GPC5: variants seen among roughly 807,000 people sequenced by gnomAD.
GPC5 encodes the protein glypican-5.
GPC5 carries 47 observed loss-of-function variants against 53.9 expected under a neutral mutation model. The observed-to-expected ratio is 0.87, with a 90% CI of 0.69 to 1.11. The LOEUF is 1.11. Ranked by LOEUF, GPC5 falls within the 50% of genes most tolerant of loss-of-function variation. The pLI is 0.00. For missense variants in GPC5, 748 were observed against 713.1 expected (o/e 1.05, Z -0.56); for synonymous variants, 286 against 263.3 (o/e 1.09, Z -0.84).
chr13:91,995,338 A>T (rs2040494458), intron 6 of GPC5: 1 of 152,168 alleles, frequency 6.6e-6, no homozygotes, highest in African/African-American at 2.4e-5. Flanking sequence ...CGAATTTTGT[A>T]AAATTATTTT....
chr13:92,460,894 G>A (rs1878451547), intron 7 of GPC5, among the ~76,000 whole-genome samples: 1 of 152,138 alleles, frequency 6.6e-6, no homozygotes, highest in African/African-American at 2.4e-5. Flanking sequence ...AATGAAAGTT[G>A]TGTTTCTCCA....
chr13:92,219,320 A>G (rs568810245), intron 7 of GPC5, among the ~76,000 whole-genome samples: 36 of 152,274 alleles, frequency 2.4e-4, no homozygotes, highest in African/African-American at 8.7e-4. Context: ...TTTTCCAATT[A>G]TATCACTTTC....
chr13:91,904,140 CTTT>C (rs57293387), intron 5 of GPC5, among the ~76,000 whole-genome samples: 1 of 94,668 alleles, frequency 1.1e-5, no homozygotes, highest in Non-Finnish European at 2.0e-5. Flanking sequence ...TCTTTTCTTT[CTTT>C]TTTTTTTTTT....
At chr13:91,504,784 C>T (rs1361218054) in intron 2 of GPC5, among the ~76,000 whole-genome samples, 1 of 151,546 alleles carries the variant, frequency 6.6e-6, no homozygotes, top group Non-Finnish European at 1.5e-5. Context: ...ATAGTGAGAC[C>T]CATCTCTAAA....
At chr13:91,911,261 T>C (rs1432562886) in intron 6 of GPC5, among the ~76,000 whole-genome samples, 1 of 152,034 alleles carries the variant, frequency 6.6e-6, no homozygotes. Context: ...AAGCAGAAGC[T>C]AGCTGGGTGC....
intron 7 of GPC5, among the ~76,000 whole-genome samples, chr13:92,652,317 G>A (rs745836819): frequency 1.3e-5 from 2 of 151,954 alleles, no homozygotes; most frequent in Non-Finnish European, 2.9e-5. Flanking sequence ...TTTTTGCTAG[G>A]CATGTAAAGA....
intron 6 of GPC5, among the ~76,000 whole-genome samples, chr13:92,068,452 ATTAGCAAATAATG>A (rs2041184007): frequency 6.6e-6 from 1 of 151,754 alleles, no homozygotes; most frequent in Non-Finnish European, 1.5e-5. Context: ...CAATAATGTC[ATTAGCAAATAATG>A]ACCAGTGTAG....
Position 91,670,682 on chromosome 13 carries a change from G to GA in GPC5, c.326-22503dup, listed in dbSNP as rs368821272. 9.3e-4 allele frequency among the ~76,000 whole-genome samples: 141 copies of GA among 152,248 alleles called. 1 individual carries two copies. The highest frequency in any genetic ancestry group is 3.3e-3 in the African/African-American group (137 of 41,554). ...TTCAGTCTATAAATTGGAATACTCAGAAGCTCATGTTTTGTCAGTTGCTGA... is the reference window on the plus strand; with the variant it reads ...TTCAGTCTATAAATTGGAATACTCAGAAAGCTCATGTTTTGTCAGTTGCTGA... On this transcript the variant is annotated intron_variant, in intron 2 of 7. Transcript: ENST00000377067.
chr13:92,237,417 AC>A (rs1011055595), intron 7 of GPC5, among the ~76,000 whole-genome samples: 1 of 151,970 alleles, frequency 6.6e-6, no homozygotes, highest in African/African-American at 2.4e-5. Flanking sequence ...ATGGGGTTTC[AC>A]CATGTTGGCC....
At chr13:92,505,449 G>C (rs1409573143) in intron 7 of GPC5, among the ~76,000 whole-genome samples, 2 of 151,952 alleles carry the variant, frequency 1.3e-5, no homozygotes, top group Non-Finnish European at 2.9e-5. Context: ...CTAAAAAAAA[G>C]TATTAACAAT....
At chr13:92,508,732 C>G (rs995199336) in intron 7 of GPC5, among the ~76,000 whole-genome samples, 1 of 152,104 alleles carries the variant, frequency 6.6e-6, no homozygotes, top group African/African-American at 2.4e-5. Flanking sequence ...AAGACATTCT[C>G]TTTACAGGCA....
intron 3 of GPC5, among the ~76,000 whole-genome samples, chr13:91,694,898 C>A (rs752927027): frequency 6.6e-6 from 1 of 152,074 alleles, no homozygotes; most frequent in Non-Finnish European, 1.5e-5. Flanking sequence ...CATGAGCCAC[C>A]GCGCCCAGCG....
intron 7 of GPC5, among the ~76,000 whole-genome samples, chr13:92,829,490 T>G (rs1877974212): frequency 6.6e-6 from 1 of 152,186 alleles, no homozygotes; most frequent in South Asian, 2.1e-4. Context: ...TTTATTATTA[T>G]GAAATATTTG....
chr13:91,626,383 T>C lies in GPC5; in HGVS notation c.326-66804T>C, dbSNP rs1030235860. Among the ~76,000 whole-genome samples, 9 of 152,298 alleles carry C rather than the reference T, an allele frequency of 5.9e-5. No individual in the cohort carries two copies. In the South Asian group the frequency reaches 1.7e-3, roughly 28 times the overall value. ...GACCATGGGAGTCTAGGACATGATATGGAATTTCTCTGAATCTCAGTTTAT... is the reference window on the plus strand; with the variant it reads ...GACCATGGGAGTCTAGGACATGATACGGAATTTCTCTGAATCTCAGTTTAT... On this transcript the variant is annotated intron_variant, in intron 2 of 7. Coordinates refer to ENST00000377067, the MANE Select transcript of GPC5 (RefSeq NM_004466.6).
At chr13:92,799,474 G>T (rs1328753552) in intron 7 of GPC5, among the ~76,000 whole-genome samples, 1 of 151,656 alleles carries the variant, frequency 6.6e-6, no homozygotes, top group East Asian at 1.9e-4. Flanking sequence ...AGTAAGAAAT[G>T]GTGCATGTGG....
chr13:91,940,268 A>C (rs2039913011), intron 6 of GPC5, among the ~76,000 whole-genome samples: 1 of 152,062 alleles, frequency 6.6e-6, no homozygotes, highest in Non-Finnish European at 1.5e-5. Flanking sequence ...TCCTGCATTA[A>C]TTTGCTTAGG....
At chr13:92,014,199 C>T (rs532129417) in intron 6 of GPC5, among the ~76,000 whole-genome samples, 1 of 152,218 alleles carries the variant, frequency 6.6e-6, no homozygotes, top group Non-Finnish European at 1.5e-5. Flanking sequence ...TGCATAAGCC[C>T]ATGATGTAAT....
chr13:92,667,976 T>C (rs1886629724), intron 7 of GPC5, among the ~76,000 whole-genome samples: 1 of 152,164 alleles, frequency 6.6e-6, no homozygotes, highest in South Asian at 2.1e-4. Flanking sequence ...CTAGACACAC[T>C]AAAGAGGTAT....
At chr13:92,264,866 C>T in intron 7 of GPC5, among the ~76,000 whole-genome samples, 1 of 116,138 alleles carries the variant, frequency 8.6e-6, no homozygotes, top group Non-Finnish European at 1.7e-5. Context: ...CTCTCTCTCT[C>T]TCTCTCTCTC....
Sources: gnomAD v4.1 joint callset for allele counts (sites outside exome capture counted in the v4.1 genomes callset) on GRCh38, gnomAD v4.1.1 for gene constraint, MANE v1.5 for transcripts, NCBI Gene and HGNC (gene_info 2026-07-23, HGNC 2026-07-21) for gene names.